Variants in MRE11 observed in about 807,000 individuals in gnomAD.
The protein encoded by MRE11 is MRE11 double strand break repair nuclease.
MRE11 carries 62 observed loss-of-function variants against 91.7 expected under a neutral mutation model. That is an observed-to-expected ratio of 0.68 (90% CI 0.55 to 0.84). The LOEUF (loss-of-function observed/expected upper bound fraction) is 0.84. Ranked by LOEUF, MRE11 falls within the 40% of genes least tolerant of loss-of-function variation. The probability of loss-of-function intolerance (pLI) is 0.00; values close to 1 mark genes in which losing one functional copy is unlikely to be tolerated. For synonymous variants in MRE11, 273 were observed against 271.4 expected (o/e 1.01, Z -0.06); for missense variants, 796 against 852.9 (o/e 0.93, Z 0.83).
intron 17 of MRE11, among the ~76,000 whole-genome samples, chr11:94,436,665 A>C (rs1241993896): frequency 6.6e-6 from 1 of 152,202 alleles, no homozygotes; most frequent in African/African-American, 2.4e-5. Flanking sequence ...TGAAGTAATA[A>C]GAGAATCAAG....
chr11:94,424,226 C>T (rs899870776), intron 19 of MRE11, among the ~76,000 whole-genome samples: 4 of 152,216 alleles, frequency 2.6e-5, no homozygotes, highest in African/African-American at 9.6e-5. Flanking sequence ...TACTGGATCA[C>T]AGCCAAAATT....
intron 14 of MRE11, among the ~76,000 whole-genome samples, chr11:94,453,790 G>A (rs191235154): frequency 6.6e-6 from 1 of 152,132 alleles, no homozygotes; most frequent in East Asian, 1.9e-4. Context: ...TATTGATAGT[G>A]CCTGGTATTA....
chr11:94,458,377 T>C (rs1422647688), intron 13 of MRE11, among the ~76,000 whole-genome samples: 1 of 10,558 alleles, frequency 9.5e-5, no homozygotes, highest in African/African-American at 4.3e-4. Context: ...CTACGCAGTT[T>C]TTTATCTTTG....
intron 3 of MRE11, among the ~76,000 whole-genome samples, chr11:94,487,813 T>C (rs1193594785): frequency 2.0e-5 from 3 of 152,232 alleles, no homozygotes; most frequent in Non-Finnish European, 4.4e-5. Flanking sequence ...AGGAATTCTA[T>C]GCGCTATTCT....
At chr11:94,444,860 A>G (rs943967102) in intron 16 of MRE11, among the ~76,000 whole-genome samples, 20 of 151,702 alleles carry the variant, frequency 1.3e-4, no homozygotes, top group Non-Finnish European at 2.4e-4. Flanking sequence ...TATAAAAGTG[A>G]AACAATAACC....
intron 13 of MRE11, among the ~76,000 whole-genome samples, 177 bp from the exon 14 acceptor site, chr11:94,456,515 T>TA (rs3832746): frequency 2.9e-4 from 44 of 149,778 alleles, no homozygotes; most frequent in South Asian, 4.2e-4. Context: ...AATGTACTCT[T>TA]AAAAAAAAAA....
At chr11:94,435,943 C>T (rs773823129) in intron 17 of MRE11, 44 bp from the exon 18 acceptor site, 2 of 1,497,658 alleles carry the variant, frequency 1.3e-6, no homozygotes, top group Non-Finnish European at 1.9e-6. Context: ...TGAGAATAGA[C>T]TCTGAATAAA....
Position 94,476,395 on chromosome 11 carries a change from G to A in MRE11, c.553C>T (p.Pro185Ser). The change falls in exon 7 of 20, where the codon CCA becomes TCA. Residue 185 changes from proline to serine, a missense_variant. By Grantham distance (74) the Pro-to-Ser change is moderately conservative. Coordinates refer to ENST00000323929, the MANE Select transcript of MRE11 (RefSeq NM_005591.4). The part of the protein sequence containing the change: ...KIALYGLGSI[P>S]DERLYRMFVN... ...AACATTCGATAGAGCCTTTCATCTG[G>A]AATGGATCCTGAAATGGACATTACA... 1 of 1,598,446 alleles carries A rather than the reference G, an allele frequency of 6.3e-7. No individual in the cohort carries two copies. Among genetic ancestry groups the A allele is most frequent in the Non-Finnish European group, 8.6e-7 (1 of 1,166,338 alleles).
intron 17 of MRE11, among the ~76,000 whole-genome samples, chr11:94,436,510 T>C (rs1945619158): frequency 2.0e-5 from 3 of 152,216 alleles, no homozygotes. Context: ...AGGCTAAGGA[T>C]GCTGTTAAAT....
In MRE11 at chr11:94,445,869, G is replaced by A. The variant is rs1060501789; in HGVS notation, c.1808C>T (p.Thr603Ile). 6 of 1,613,684 alleles carry A rather than the reference G, an allele frequency of 3.7e-6. No homozygotes were observed. The highest frequency in any genetic ancestry group is 4.2e-6 in the Non-Finnish European group (5 of 1,179,640). ...GRADTGLETS[T>I]RSRNSKTAVS... ...AGCAGTCTTTGAGTTCCTGCTACGG[G>A]TAGAAGTCTCCAGACCAGTGTCTGC... is the stretch of plus-strand genomic sequence containing the variant. The change falls in exon 16 of 20, where the codon ACC (threonine) becomes ATC (isoleucine). Residue 603 changes from threonine to isoleucine, a missense_variant. Physicochemically the swap from Thr to Ile is moderately conservative, Grantham distance 89. Coordinates refer to ENST00000323929, the MANE Select transcript of MRE11 (RefSeq NM_005591.4).
chr11:94,431,927 T>A (rs1379839432), intron 18 of MRE11, among the ~76,000 whole-genome samples: 3 of 151,872 alleles, frequency 2.0e-5, no homozygotes, highest in South Asian at 2.1e-4. Flanking sequence ...TAAGCATATA[T>A]CAAAAATATC....
At chr11:94,475,064 G>A (rs1047086807) in intron 7 of MRE11, among the ~76,000 whole-genome samples, 3 of 151,972 alleles carry the variant, frequency 2.0e-5, no homozygotes, top group South Asian at 2.1e-4. Context: ...TTCTTTTACC[G>A]AGTATTTAAC....
chr11:94,467,954 A>G lies in MRE11; in HGVS notation c.1018-61T>C, dbSNP rs1251773031. 2.3e-6 allele frequency: 3 copies of G among 1,305,384 alleles called. No homozygotes were observed. The Admixed American group carries it at 5.1e-5, about 22-fold the overall frequency. 80.9% of individuals were successfully genotyped at this position (1,305,384 alleles called of 1,614,324 possible). On this transcript the variant is annotated intron_variant, in intron 9 of 19. Transcript: ENST00000323929. ...TAAACTGAGTTTAACTTGGCTGAATAGCAGCTTATTACCACAGGAATTTTC... is the reference window on the plus strand; with the variant it reads ...TAAACTGAGTTTAACTTGGCTGAATGGCAGCTTATTACCACAGGAATTTTC...
At chr11:94,489,304 G>C (rs1405402486) in intron 3 of MRE11, among the ~76,000 whole-genome samples, 1 of 151,722 alleles carries the variant, frequency 6.6e-6, no homozygotes, top group African/African-American at 2.4e-5. Flanking sequence ...GGGCCTCAGA[G>C]TAGAACATGC....
chr11:94,467,348 G>GT (rs1946589388), intron 10 of MRE11, among the ~76,000 whole-genome samples: 1 of 151,876 alleles, frequency 6.6e-6, no homozygotes, highest in Non-Finnish European at 1.5e-5. Flanking sequence ...TGTGTTACGG[G>GT]GAAAAAAATA....
intron 13 of MRE11, among the ~76,000 whole-genome samples, chr11:94,458,013 T>C (rs1479505050): frequency 6.1e-5 from 9 of 146,560 alleles, no homozygotes; most frequent in Non-Finnish European, 1.5e-5. Context: ...ATTTATGCTA[T>C]AAATTAGCAA....
chr11:94,476,644 A>G lies in MRE11; in HGVS notation c.545-241T>C, dbSNP rs13447620. Among the ~76,000 whole-genome samples, 4,759 of 151,940 alleles carry G rather than the reference A, an allele frequency of 0.031. 268 individuals are homozygous for G. Among genetic ancestry groups the G allele is most frequent in the African/African-American group, 0.11 (4,541 of 41,434 alleles). On this transcript the variant is annotated intron_variant, in intron 6 of 19. Transcript: ENST00000323929. ...TGGTCTCAAACTCCTGGGCTCAAGC[A>G]ATCCTCTCGCCTCAGCCTCCCAAAG...
intron 18 of MRE11, among the ~76,000 whole-genome samples, chr11:94,432,754 C>T (rs1411507659): frequency 6.6e-6 from 1 of 152,152 alleles, no homozygotes; most frequent in Non-Finnish European, 1.5e-5. Context: ...TGCAGTGAGC[C>T]GAGATCGCGC....
upstream of MRE11, among the ~76,000 whole-genome samples, chr11:94,494,393 T>C (rs1947379416): frequency 6.6e-6 from 1 of 152,130 alleles, no homozygotes; most frequent in Admixed American, 6.5e-5. Context: ...CAGCGAAAAA[T>C]AATGTAGAAC....
Sources: gnomAD v4.1 joint callset for allele counts (sites outside exome capture counted in the v4.1 genomes callset) on GRCh38, gnomAD v4.1.1 for gene constraint, MANE v1.5 for transcripts, NCBI Gene and HGNC (gene_info 2026-07-23, HGNC 2026-07-21) for gene names.